CACTIN: variants seen among roughly 807,000 people sequenced by gnomAD.
CACTIN encodes cactin, spliceosome C complex subunit, also known as splicing factor Cactin.
CACTIN carries 20 observed loss-of-function variants against 84.9 expected under a neutral mutation model. The ratio of observed to expected loss-of-function variants is 0.24; its 90% confidence interval spans 0.17 to 0.34. CACTIN has a LOEUF of 0.34. Ranked by LOEUF, CACTIN falls within the 10% of genes least tolerant of loss-of-function variation. The pLI is 1.00. For missense variants in CACTIN, 897 were observed against 1,117.2 expected, an observed-to-expected ratio of 0.80 and a Z score of 2.81; for synonymous variants, 549 against 467.9, an observed-to-expected ratio of 1.17 and a Z score of -2.24.
In CACTIN at chr19:3,613,175, C is replaced by A. The variant is rs1025442513; in HGVS notation, c.1669G>T (p.Gly557Cys). ...IQQSLDDYDA[G>C]RYSPRLLTAH... ...GTGAGCAGCCGCGGGCTGTACCTGC[C>A]GGCGTCGTAGTCGTCCAGGCTCTGC... Residue 557 changes from glycine (G) to cysteine (C), a missense_variant, in exon 9 of 10, where the codon GGC becomes TGC. This residue lies in a region of CACTIN where 243 missense variants were observed against 239.9 expected (regional missense o/e 1.01). Coordinates refer to ENST00000429344, the MANE Select transcript of CACTIN (RefSeq NM_001080543.2). The A allele has an allele frequency of 6.2e-6, 10 of 1,611,268 alleles. No homozygotes were observed. In the East Asian group the frequency reaches 2.2e-4, roughly 36 times the overall value.
chr19:3,625,982 C>T (rs971477987), intron 1 of CACTIN, among the ~76,000 whole-genome samples: 2 of 152,216 alleles, frequency 1.3e-5, no homozygotes, highest in African/African-American at 4.8e-5. Flanking sequence ...GTGAGTCCTG[C>T]CAGCTGACAC....
At chr19:3,613,647 C>G in intron 7 of CACTIN, 61 bp from the exon 8 acceptor site, 1 of 1,547,156 alleles carries the variant, frequency 6.5e-7, no homozygotes, top group Non-Finnish European at 8.7e-7. Context: ...CCCACCCCCA[C>G]CGAGATTCTC....
At position 3,623,668 on chromosome 19, in the gene CACTIN, C is replaced by T. The variant is rs1366317256; in HGVS notation, c.642+20G>A. On this transcript the variant is annotated intron_variant, in intron 2 of 9. Coordinates refer to ENST00000429344, the MANE Select transcript of CACTIN (RefSeq NM_001080543.2). The stretch of plus-strand genomic sequence containing the variant: ...GTGGAAATGCTACAGGGACAGAGGC[C>T]ACCACCCGGCGGGGCCCACCTTATT... 6.4e-7 allele frequency: 1 copy of T among 1,573,192 alleles called. No homozygotes were observed. The highest frequency in any genetic ancestry group is 1.8e-5 in the Admixed American group (1 of 55,384).
intron 1 of CACTIN, among the ~76,000 whole-genome samples, chr19:3,624,820 A>C (rs370117367): frequency 5.3e-5 from 8 of 152,250 alleles, no homozygotes; most frequent in African/African-American, 1.9e-4. Context: ...GCACAACCTC[A>C]GGGGTGGTTC....
chr19:3,623,364 C>T (rs1568296642), intron 2 of CACTIN, among the ~76,000 whole-genome samples: 2 of 151,904 alleles, frequency 1.3e-5, no homozygotes, highest in Admixed American at 6.6e-5. Context: ...CCTGTCTCTA[C>T]TAAAAATACA....
intron 6 of CACTIN, among the ~76,000 whole-genome samples, chr19:3,618,434 A>G (rs1275172205): frequency 6.6e-6 from 1 of 152,156 alleles, no homozygotes; most frequent in African/African-American, 2.4e-5. Flanking sequence ...AGGGGGGGGA[A>G]ACGTGATTTT....
At position 3,611,375 on chromosome 19, in the gene CACTIN, G is replaced by A. The variant is rs975668104; in HGVS notation, c.*548C>T. On this transcript the variant is annotated 3_prime_UTR_variant, in exon 10 of 10. Transcript: ENST00000429344. ...CGGCCTCAGTGCTGCCTGTGCGGGC[G>A]AGGGTGGCCTGTGGGCAGGGCTGGA... The A allele has an allele frequency of 2.5e-5, 11 of 445,440 alleles. No individual in the cohort carries two copies. Among genetic ancestry groups the A allele is most frequent in the South Asian group, 7.9e-5 (5 of 63,194 alleles). 27.6% of individuals were successfully genotyped at this position (445,440 alleles called of 1,614,324 possible).
intron 9 of CACTIN, 150 bp from the exon 10 acceptor site, chr19:3,612,563 C>G: frequency 8.5e-7 from 1 of 1,173,582 alleles, no homozygotes; most frequent in South Asian, 1.6e-5. Flanking sequence ...GGGACAGGGC[C>G]TGGGCGACCC....
At chr19:3,626,333 G>C (rs1599898363) in intron 1 of CACTIN, among the ~76,000 whole-genome samples, 2 of 152,344 alleles carry the variant, frequency 1.3e-5, no homozygotes, top group East Asian at 3.9e-4. Context: ...GATATGATAT[G>C]ATCTGATCTC....
chr19:3,617,623 C>T (rs994297634), intron 6 of CACTIN, among the ~76,000 whole-genome samples: 1 of 151,448 alleles, frequency 6.6e-6, no homozygotes, highest in African/African-American at 2.4e-5. Flanking sequence ...AAACGCCTCC[C>T]AGTCTTACAG....
At chr19:3,618,224 T>C (rs980760908) in intron 6 of CACTIN, among the ~76,000 whole-genome samples, 5 of 143,446 alleles carry the variant, frequency 3.5e-5, no homozygotes, top group Admixed American at 1.4e-4. Context: ...CCCAGGGGAC[T>C]CTGGGCAACG....
Position 3,613,738 on chromosome 19 carries a change from A to C in CACTIN, c.1356-152T>G, listed in dbSNP as rs2033036482. On this transcript the variant is annotated intron_variant, in intron 7 of 9. Coordinates refer to ENST00000429344, the MANE Select transcript of CACTIN (RefSeq NM_001080543.2). ...CTGGGACCTTTGCCCAGGCTTGGTC[A>C]GTTCAGGGTCAAGGCTTATGGGAGA... The C allele has an allele frequency of 2.7e-6, 3 of 1,123,010 alleles. No homozygotes were observed. The South Asian group carries it at 4.7e-5, about 18-fold the overall frequency. 69.6% of individuals were successfully genotyped at this position (1,123,010 alleles called of 1,614,324 possible).
At chr19:3,621,442 C>T (rs901369254) in intron 2 of CACTIN, among the ~76,000 whole-genome samples, 5 of 152,344 alleles carry the variant, frequency 3.3e-5, no homozygotes, top group South Asian at 4.1e-4. Flanking sequence ...CCCGGTGCCC[C>T]GTCGCCATGA....
rs772582348 is a variant in CACTIN, at chr19:3,618,843, C to G, written c.1162+32G>C. On this transcript the variant is annotated intron_variant, in intron 6 of 9. Transcript: ENST00000429344. ...GGTGAACACTGTAGCCCCCGCAGCT[C>G]CCCTGGAGCCCAGGCCCATGCCCGC... 4 of 1,495,584 alleles carry G rather than the reference C, an allele frequency of 2.7e-6. No homozygotes were observed. In the South Asian group the frequency reaches 3.6e-5, roughly 14 times the overall value. 92.6% of individuals were successfully genotyped at this position (1,495,584 alleles called of 1,614,324 possible).
Position 3,611,451 on chromosome 19 carries a change from T to C in CACTIN, c.*472A>G, listed in dbSNP as rs1296957794. The stretch of plus-strand genomic sequence containing the variant: ...CTCACGCCCAGTGGGTGCCCCGTGA[T>C]GTGGCAGGGCTGGCCTTGAGTTTCC... On this transcript the variant is annotated 3_prime_UTR_variant, in exon 10 of 10. Coordinates refer to ENST00000429344, the MANE Select transcript of CACTIN (RefSeq NM_001080543.2). 3 of 403,432 alleles carry C rather than the reference T, an allele frequency of 7.4e-6. No homozygotes were observed. The East Asian group carries it at 2.3e-4, about 31-fold the overall frequency. The allele number at this position is 403,432 out of a possible 1,614,324, so 25.0% of individuals were successfully genotyped here. A position where few individuals can be genotyped will look rare whatever the true frequency, so the allele number is the denominator to read the frequency against.
chr19:3,611,629 T>G lies in CACTIN; in HGVS notation c.*294A>C, dbSNP rs1187745048. 4.5e-6 allele frequency: 2 copies of G among 446,206 alleles called. No homozygotes were observed. Among genetic ancestry groups the G allele is most frequent in the African/African-American group, 4.0e-5 (2 of 50,052 alleles). 27.6% of individuals were successfully genotyped at this position (446,206 alleles called of 1,614,324 possible). On this transcript the variant is annotated 3_prime_UTR_variant, in exon 10 of 10. Transcript: ENST00000429344. ...TGTCCGCCTGGACGGTGAGGTCAGC[T>G]GGCGGCTGCTGGCCACCCTCGTGCT...
At chr19:3,626,078 T>G (rs1216171457) in intron 1 of CACTIN, among the ~76,000 whole-genome samples, 1 of 152,146 alleles carries the variant, frequency 6.6e-6, no homozygotes, top group Non-Finnish European at 1.5e-5. Context: ...CTACGCACTT[T>G]GCCCGCTGTG....
Position 3,624,082 on chromosome 19 carries a change from T to C in CACTIN, c.248A>G (p.Asp83Gly), listed in dbSNP as rs1268454373. ...TCCTGAGTCCGACTGAGAGGACCCATCTCTTGAGTGCCACTTGGGCCGCGG... is the reference window on the plus strand; with the variant it reads ...TCCTGAGTCCGACTGAGAGGACCCACCTCTTGAGTGCCACTTGGGCCGCGG... Reference protein sequence around the residue: ...SPPRPKWHSRDGSSQSDSGEE... With the variant: ...SPPRPKWHSRGGSSQSDSGEE... Residue 83 changes from aspartate (D) to glycine (G), a missense_variant, in exon 2 of 10, where the codon GAT (aspartate) becomes GGT (glycine). Transcript: ENST00000429344. 5.6e-6 allele frequency: 9 copies of C among 1,600,450 alleles called. No homozygotes were observed. The highest frequency in any genetic ancestry group is 7.6e-6 in the Non-Finnish European group (9 of 1,178,422).
At chr19:3,620,577 C>G (rs1022933491) in intron 3 of CACTIN, 130 bp downstream of exon 3, 6 of 725,758 alleles carry the variant, frequency 8.3e-6, no homozygotes, top group African/African-American at 5.3e-5. Context: ...GTCTGAGCCC[C>G]TGGATCCAGC....
Sources: gnomAD v4.1 joint callset for allele counts (sites outside exome capture counted in the v4.1 genomes callset) on GRCh38, gnomAD v4.1.1 for gene constraint, gnomAD v4.1.1 regional missense constraint, MANE v1.5 for transcripts, NCBI Gene and HGNC (gene_info 2026-07-23, HGNC 2026-07-21) for gene names.